CDYL: variants seen among roughly 807,000 people sequenced by gnomAD.
CDYL encodes the protein chromodomain Y-like protein.
CDYL carries 8 observed loss-of-function variants against 47.3 expected under a neutral mutation model. The ratio of observed to expected loss-of-function variants is 0.17; its 90% confidence interval spans 0.10 to 0.31. CDYL has a LOEUF of 0.31. Among genes scored for constraint, CDYL ranks in the 10% least tolerant of loss-of-function variants. The pLI is 1.00. For missense variants in CDYL, 471 were observed against 701.4 expected, an observed-to-expected ratio of 0.67 and a Z score of 3.71; for synonymous variants, 266 against 265.0, an observed-to-expected ratio of 1.00 and a Z score of -0.04.
At chr6:4,896,471 G>T (rs1445232552) in intron 2 of CDYL, among the ~76,000 whole-genome samples, 1 of 152,218 alleles carries the variant, frequency 6.6e-6, no homozygotes, top group African/African-American at 2.4e-5. Flanking sequence ...GGGTGCGCAT[G>T]GAAGACAAGG....
intron 2 of CDYL, among the ~76,000 whole-genome samples, chr6:4,720,693 T>C (rs377416592): frequency 7.9e-5 from 12 of 152,174 alleles, no homozygotes; most frequent in East Asian, 3.8e-4. Context: ...CAGAAGTAGA[T>C]CAAGAAAATT....
chr6:4,834,253 T>C (rs1351188159), intron 1 of CDYL, among the ~76,000 whole-genome samples: 13 of 152,196 alleles, frequency 8.5e-5, no homozygotes, highest in Admixed American at 8.5e-4. Context: ...TCAGGAGCTC[T>C]TTTAGGACAG....
chr6:4,835,054 G>A (rs184502070), intron 1 of CDYL, among the ~76,000 whole-genome samples: 3 of 152,214 alleles, frequency 2.0e-5, no homozygotes, highest in Admixed American at 2.0e-4. Context: ...ATCGTCTGAA[G>A]CCTTCTTTTC....
intron 1 of CDYL, among the ~76,000 whole-genome samples, chr6:4,835,261 CT>C (rs1361319578): frequency 6.6e-6 from 1 of 152,056 alleles, no homozygotes; most frequent in Non-Finnish European, 1.5e-5. Context: ...TGTGGATGTC[CT>C]TTCTGTTTGT....
At chr6:4,777,006 A>C in intron 1 of CDYL, among the ~76,000 whole-genome samples, 199 bp downstream of exon 1, 1 of 126,478 alleles carries the variant, frequency 7.9e-6, no homozygotes, top group Admixed American at 7.4e-5. Context: ...GGGGTCCTGA[A>C]GTTGCCGGGC....
intron 2 of CDYL, among the ~76,000 whole-genome samples, chr6:4,907,170 C>T (rs770390618): frequency 4.6e-5 from 7 of 152,062 alleles, no homozygotes; most frequent in Non-Finnish European, 1.0e-4. Flanking sequence ...AGGGGTGCAC[C>T]CCAAGAGCTG....
intron 1 of CDYL, among the ~76,000 whole-genome samples, chr6:4,798,199 C>G (rs769121319): frequency 6.6e-6 from 1 of 152,024 alleles, no homozygotes; most frequent in Non-Finnish European, 1.5e-5. Context: ...TCTTGAACTC[C>G]TGGGCTCCAG....
At position 4,955,354 on chromosome 6, in the gene CDYL, C is replaced by T. The variant is rs1054116677; in HGVS notation, c.*1298C>T. Reference sequence around the variant, plus strand: ...TTAGAACTGACCACCTCCCCGGCCACGCGGAGAGCTGTACAGTGTGTAAAT... The same window carrying T: ...TTAGAACTGACCACCTCCCCGGCCATGCGGAGAGCTGTACAGTGTGTAAAT... On this transcript the variant is annotated 3_prime_UTR_variant, in exon 7 of 7. Coordinates refer to ENST00000397588, the MANE Select transcript of CDYL (RefSeq NM_004824.4). 1 of 152,656 alleles carries T rather than the reference C, an allele frequency of 6.6e-6. No individual in the cohort carries two copies. The highest frequency in any genetic ancestry group is 2.4e-5 in the African/African-American group (1 of 41,458). 9.5% of individuals were successfully genotyped at this position (152,656 alleles called of 1,614,324 possible). A position where few individuals can be genotyped will look rare whatever the true frequency, so the allele number is the denominator to read the frequency against.
chr6:4,804,686 C>T (rs532381325), intron 1 of CDYL, among the ~76,000 whole-genome samples: 6 of 152,290 alleles, frequency 3.9e-5, no homozygotes, highest in South Asian at 2.1e-4. Flanking sequence ...TCATAGAGAC[C>T]GCTGCTAAAA....
chr6:4,713,553 T>A (rs1360044559), intron 1 of CDYL, among the ~76,000 whole-genome samples: 1 of 151,286 alleles, frequency 6.6e-6, no homozygotes, highest in Admixed American at 6.6e-5. Context: ...AATTAAAAAC[T>A]GAATACAGAG....
intron 1 of CDYL, among the ~76,000 whole-genome samples, chr6:4,874,152 G>A (rs17282871): frequency 0.013 from 1,939 of 152,110 alleles, 19 homozygotes; most frequent in Middle Eastern, 0.024. Flanking sequence ...GTTCACTTTG[G>A]TGAGGTTAAA....
rs140232184 is a variant in CDYL, at chr6:4,881,576, G to C, written c.25-10137G>C. Among the ~76,000 whole-genome samples the C allele has an allele frequency of 5.1e-3, 782 of 152,202 alleles. 5 individuals are homozygous for C. Among genetic ancestry groups the C allele is most frequent in the Admixed American group, 0.011 (162 of 15,282 alleles). ...ACCTTATGTAAAGCAGAAGAATCTT[G>C]TAACAGTATAATTCAATTGAGTTTT... On this transcript the variant is annotated intron_variant, in intron 1 of 6. Coordinates refer to ENST00000397588, the MANE Select transcript of CDYL (RefSeq NM_004824.4).
chr6:4,781,834 A>C (rs141990607), intron 1 of CDYL, among the ~76,000 whole-genome samples: 113 of 152,330 alleles, frequency 7.4e-4, no homozygotes, highest in African/African-American at 2.5e-3. Flanking sequence ...TTTGTAAATA[A>C]GGAGTGATAG....
At chr6:4,899,367 C>T (rs1297134831) in intron 2 of CDYL, among the ~76,000 whole-genome samples, 1 of 152,164 alleles carries the variant, frequency 6.6e-6, no homozygotes, top group Non-Finnish European at 1.5e-5. Flanking sequence ...AAGAGGTCTC[C>T]ACACAAAAGA....
intron 2 of CDYL, among the ~76,000 whole-genome samples, chr6:4,898,577 C>T (rs1397685671): frequency 6.6e-6 from 1 of 152,182 alleles, no homozygotes; most frequent in African/African-American, 2.4e-5. Flanking sequence ...CACAGCCTCC[C>T]TCCTTTCTAA....
chr6:4,867,173 T>C (rs1761347032), intron 1 of CDYL, among the ~76,000 whole-genome samples: 1 of 152,150 alleles, frequency 6.6e-6, no homozygotes, highest in African/African-American at 2.4e-5. Flanking sequence ...TCTAATGTTT[T>C]GTTTGTTGTT....
At chr6:4,714,851 TTGTC>T (rs1451181380) in intron 1 of CDYL, 3 of 152,218 alleles carry the variant, frequency 2.0e-5, no homozygotes, top group Non-Finnish European at 4.4e-5. Context: ...GTTATCCCAG[TTGTC>T]TGTATTGACA....
intron 3 of CDYL, among the ~76,000 whole-genome samples, chr6:4,740,846 G>A (rs994566920): frequency 6.6e-6 from 1 of 151,642 alleles, no homozygotes; most frequent in African/African-American, 2.4e-5. Context: ...GAGTGCAGTG[G>A]TGTGATCTCT....
At chr6:4,842,151 A>G (rs1392933165) in intron 1 of CDYL, among the ~76,000 whole-genome samples, 7 of 144,204 alleles carry the variant, frequency 4.9e-5, no homozygotes, top group Non-Finnish European at 7.6e-5. Context: ...TATTACTTAT[A>G]TATTATAAAT....
Sources: allele counts gnomAD v4.1 joint callset (sites outside exome capture counted in the v4.1 genomes callset), GRCh38; gene constraint gnomAD v4.1.1; transcripts MANE v1.5; gene names NCBI Gene and HGNC (gene_info 2026-07-23, HGNC 2026-07-21).